The following KDM7A variants were observed in gnomAD, a reference collection of about 807,000 sequenced individuals.
KDM7A encodes lysine-specific demethylase 7A.
KDM7A carries 28 observed loss-of-function variants against 114.8 expected under a neutral mutation model. That is an observed-to-expected ratio of 0.24 (90% confidence interval 0.18 to 0.33). The LOEUF (loss-of-function observed/expected upper bound fraction) is 0.33. Ranked by LOEUF, KDM7A falls within the 10% of genes least tolerant of loss-of-function variation. The pLI is 1.00. For missense variants in KDM7A, 942 were observed against 1,142.5 expected (o/e 0.82, Z 2.53); for synonymous variants, 423 against 397.8 (o/e 1.06, Z -0.75).
intron 1 of KDM7A, among the ~76,000 whole-genome samples, chr7:140,153,151 AC>A (rs1396082456): frequency 6.6e-6 from 1 of 151,828 alleles, no homozygotes; most frequent in African/African-American, 2.4e-5. Flanking sequence ...CTTAATTTCC[AC>A]TAAAGGTCAC....
chr7:140,176,627 C>A lies in KDM7A; in HGVS notation c.194+117G>T. ...CCGGGGGGCTAGGCACCGGGGCCCC[C>A]TGAAAGCTGGGCGCGGCGCGGCGGC... On this transcript the variant is annotated intron_variant, in intron 1 of 19. Coordinates refer to ENST00000397560, the MANE Select transcript of KDM7A (RefSeq NM_030647.2). This position sits in a 1 kb window ranked among gnomAD's most constrained non-coding sequence, Gnocchi z 4.4. 1.2e-6 allele frequency: 1 copy of A among 804,974 alleles called. No homozygotes were observed. The highest frequency in any genetic ancestry group is 1.5e-6 in the Non-Finnish European group (1 of 664,452). The allele number at this position is 804,974 out of a possible 1,614,324, so 49.9% of individuals were successfully genotyped here.
At chr7:140,142,902 TA>T (rs111959732) in intron 1 of KDM7A, among the ~76,000 whole-genome samples, 52,457 of 150,014 alleles carry the variant, frequency 0.35, 9,337 homozygotes, top group Middle Eastern at 0.43. Flanking sequence ...TAATGCAAAT[TA>T]AAAAAAAAAT....
At chr7:140,157,171 C>T (rs1794466314) in intron 1 of KDM7A, among the ~76,000 whole-genome samples, 1 of 152,182 alleles carries the variant, frequency 6.6e-6, no homozygotes, top group Admixed American at 6.5e-5. Flanking sequence ...AGGAAAAGAA[C>T]CATCTTCGGA....
At chr7:140,156,283 C>T (rs1794457188) in intron 1 of KDM7A, among the ~76,000 whole-genome samples, 1 of 152,172 alleles carries the variant, frequency 6.6e-6, no homozygotes. Flanking sequence ...ATACATTTTG[C>T]ACACAGACAT....
chr7:140,128,110 T>C (rs1818734580), intron 4 of KDM7A, among the ~76,000 whole-genome samples: 1 of 152,206 alleles, frequency 6.6e-6, no homozygotes, highest in African/African-American at 2.4e-5. Context: ...TCTTCTAATA[T>C]TCTCCTTTAA....
intron 7 of KDM7A, among the ~76,000 whole-genome samples, chr7:140,123,763 A>T (rs1818652462): frequency 6.6e-6 from 1 of 152,236 alleles, no homozygotes. Context: ...GTAATGATAC[A>T]TGCTACAACA....
At chr7:140,099,076 CTG>C (rs1273552165) in intron 13 of KDM7A, 43 bp from the exon 14 acceptor site, 1 of 1,465,120 alleles carries the variant, frequency 6.8e-7, no homozygotes, top group Admixed American at 2.0e-5. Flanking sequence ...GTGCAAGACT[CTG>C]TAGCCAAACA....
At position 140,094,037 on chromosome 7, in the gene KDM7A, T is replaced by G; in HGVS notation, c.2457+19A>C. ...GATCATTTTAAATCTCCTTTTAACG[T>G]TTCAAACTTTGAATATACCTGAGGA... On this transcript the variant is annotated intron_variant, in intron 18 of 19. Transcript: ENST00000397560. The G allele has an allele frequency of 7.1e-7, 1 of 1,417,776 alleles. No individual in the cohort carries two copies. The highest frequency in any genetic ancestry group is 1.0e-6 in the Non-Finnish European group (1 of 1,001,236). The allele number at this position is 1,417,776 out of a possible 1,614,324, so 87.8% of individuals were successfully genotyped here.
At chr7:140,163,549 T>C (rs1221203847) in intron 1 of KDM7A, among the ~76,000 whole-genome samples, 1 of 152,130 alleles carries the variant, frequency 6.6e-6, no homozygotes, top group Non-Finnish European at 1.5e-5. Context: ...CCCAAAGCAC[T>C]GGGATTACAG....
At chr7:140,170,387 A>G (rs141774767) in intron 1 of KDM7A, among the ~76,000 whole-genome samples, 1 of 152,334 alleles carries the variant, frequency 6.6e-6, no homozygotes, top group Non-Finnish European at 1.5e-5. Flanking sequence ...CCCCTGAGAT[A>G]GAGACAGACA....
At chr7:140,158,468 C>T (rs1392031542) in intron 1 of KDM7A, among the ~76,000 whole-genome samples, 1 of 152,026 alleles carries the variant, frequency 6.6e-6, no homozygotes, top group Non-Finnish European at 1.5e-5. Flanking sequence ...CGAAGGACTG[C>T]CATTAAATGA....
intron 7 of KDM7A, among the ~76,000 whole-genome samples, chr7:140,123,158 C>T (rs1030070385): frequency 6.6e-6 from 1 of 152,198 alleles, no homozygotes; most frequent in African/African-American, 2.4e-5. Context: ...CACATCACAC[C>T]CACTAGAATA....
chr7:140,160,048 ATTTT>A (rs1281413564), intron 1 of KDM7A, among the ~76,000 whole-genome samples: 1 of 151,812 alleles, frequency 6.6e-6, no homozygotes, highest in East Asian at 1.9e-4. Context: ...TTTAGATAAT[ATTTT>A]TTATTTCAAT....
chr7:140,123,698 G>A (rs1282977841), intron 7 of KDM7A, among the ~76,000 whole-genome samples: 1 of 152,170 alleles, frequency 6.6e-6, no homozygotes, highest in East Asian at 1.9e-4. Flanking sequence ...TTGCATTAGG[G>A]ATGCTCAACC....
chr7:140,149,753 G>A (rs1006609178), intron 1 of KDM7A, among the ~76,000 whole-genome samples: 2 of 152,162 alleles, frequency 1.3e-5, no homozygotes, highest in Non-Finnish European at 2.9e-5. Context: ...TGAATATGAT[G>A]TGAGAATTTG....
At chr7:140,131,649 T>C (rs1431044452) in intron 3 of KDM7A, among the ~76,000 whole-genome samples, 1 of 152,206 alleles carries the variant, frequency 6.6e-6, no homozygotes, top group East Asian at 1.9e-4. Context: ...GCATCCACAA[T>C]TGTCCCTCCT....
At chr7:140,100,237 G>C (rs1818179221) in intron 12 of KDM7A, among the ~76,000 whole-genome samples, 1 of 152,180 alleles carries the variant, frequency 6.6e-6, no homozygotes, top group South Asian at 2.1e-4. Flanking sequence ...CATTAACCAT[G>C]AAATGCATTC....
rs1562953999 is a variant in KDM7A, at chr7:140,129,682, CATTTTTATTGGTA to C, written c.399-42_399-30del. The C allele has an allele frequency of 4.0e-6, 6 of 1,484,470 alleles. No homozygotes were observed. The South Asian group carries it at 6.8e-5, about 17-fold the overall frequency. The allele number at this position is 1,484,470 out of a possible 1,614,324, so 92.0% of individuals were successfully genotyped here. A position where few individuals can be genotyped will look rare whatever the true frequency, so the allele number is the denominator to read the frequency against. ...AGGAAAAACATAAGAATAAAAATGT[CATTTTTATTGGTA>C]AGGTCAGTTTAAAAAAAATACGGTA... On this transcript the variant is annotated intron_variant, in intron 3 of 19. Coordinates refer to ENST00000397560, the MANE Select transcript of KDM7A (RefSeq NM_030647.2).
chr7:140,123,824 G>A (rs1017013673), intron 7 of KDM7A, among the ~76,000 whole-genome samples: 1 of 152,166 alleles, frequency 6.6e-6, no homozygotes. Flanking sequence ...GCTCACGCCT[G>A]TAATCCCAGT....
Sources: gnomAD v4.1 joint callset for allele counts (sites outside exome capture counted in the v4.1 genomes callset) on GRCh38, gnomAD v4.1.1 for gene constraint, Gnocchi (gnomAD v3.1) non-coding constraint, MANE v1.5 for transcripts, NCBI Gene and HGNC (gene_info 2026-07-23, HGNC 2026-07-21) for gene names.